The following CCDC144A variants were observed in gnomAD, a reference collection of about 807,000 sequenced individuals.
CCDC144A encodes coiled-coil domain containing 144A, also known as coiled-coil domain-containing protein 144A.
In CCDC144A, 41 loss-of-function variants were observed where a neutral mutation model predicts 143.8. The ratio of observed to expected loss-of-function variants is 0.29; its 90% CI spans 0.22 to 0.37. The LOEUF (loss-of-function observed/expected upper bound fraction) is 0.37. Ranked by LOEUF, CCDC144A falls within the 10% of genes least tolerant of loss-of-function variation. The probability of loss-of-function intolerance (pLI) is 1.00; values close to 1 mark genes in which losing one functional copy is unlikely to be tolerated. For synonymous variants in CCDC144A, 242 were observed against 517.9 expected (o/e 0.47, Z 7.23); for missense variants, 637 against 1,488.8 (o/e 0.43, Z 9.41).
chr17:16,697,310 C>T (rs1365210784), intron 2 of CCDC144A, among the ~76,000 whole-genome samples: 1 of 152,078 alleles, frequency 6.6e-6, no homozygotes, highest in Non-Finnish European at 1.5e-5. Flanking sequence ...CCTACTCAAC[C>T]GTACCATTGA....
At chr17:16,759,379 T>G (rs1653225064) in intron 12 of CCDC144A, among the ~76,000 whole-genome samples, 1 of 152,188 alleles carries the variant, frequency 6.6e-6, no homozygotes, top group Non-Finnish European at 1.5e-5. Context: ...CACAGTATTA[T>G]AAAAAGTCAG....
At chr17:16,747,244 C>G (rs1033255629) in intron 12 of CCDC144A, among the ~76,000 whole-genome samples, 2 of 152,104 alleles carry the variant, frequency 1.3e-5, no homozygotes, top group Non-Finnish European at 2.9e-5. Flanking sequence ...TCTGGGCTCT[C>G]TGTTCTGTTC....
chr17:16,720,375 C>G, intron 7 of CCDC144A, 142 bp from the exon 8 acceptor site: 2 of 937,974 alleles, frequency 2.1e-6, no homozygotes, highest in South Asian at 1.7e-5. Flanking sequence ...GATAATGGTA[C>G]CTTTTAAGAA....
At chr17:16,726,206 A>G (rs887326722) in intron 8 of CCDC144A, among the ~76,000 whole-genome samples, 6 of 151,454 alleles carry the variant, frequency 4.0e-5, no homozygotes, top group Non-Finnish European at 8.8e-5. Context: ...GTGAAACACC[A>G]TCTCTACTAA....
chr17:16,767,969 G>A (rs1211726505), intron 15 of CCDC144A, among the ~76,000 whole-genome samples: 5 of 152,222 alleles, frequency 3.3e-5, no homozygotes, highest in Admixed American at 2.0e-4. Flanking sequence ...TTCTGCAACC[G>A]GTTACGGGGT....
chr17:16,707,509 A>G lies in CCDC144A; in HGVS notation c.705A>G (p.Glu235=). ...DSELTSEEEQ[E]RLKGCENKQP... is the part of the protein sequence containing the mutation. Reference sequence around the variant, plus strand: ...AGCTGACATCAGAGGAAGAGCAAGAAAGACTTAAAGGATGCGAAAATAAGC... The same window carrying G: ...AGCTGACATCAGAGGAAGAGCAAGAGAGACTTAAAGGATGCGAAAATAAGC... Residue 235 remains glutamate (E), a synonymous_variant, in exon 4 of 17, where the codon GAA becomes GAG. Coordinates refer to ENST00000399273, the MANE Select transcript of CCDC144A (RefSeq NM_001382000.1). 2 of 1,606,256 alleles carry G rather than the reference A, an allele frequency of 1.2e-6. No individual in the cohort carries two copies. Among genetic ancestry groups the G allele is most frequent in the Non-Finnish European group, 1.7e-6 (2 of 1,177,680 alleles).
intron 2 of CCDC144A, among the ~76,000 whole-genome samples, chr17:16,703,838 G>C (rs1911885446): frequency 6.6e-6 from 1 of 151,984 alleles, no homozygotes; most frequent in Non-Finnish European, 1.5e-5. Context: ...ACACAAGCAC[G>C]CACAGCCATA....
chr17:16,721,946 CT>C lies in CCDC144A; in HGVS notation c.1891+1291del, dbSNP rs200115591. Among the ~76,000 whole-genome samples, 1,056 of 152,250 alleles carry C rather than the reference CT, an allele frequency of 6.9e-3. 19 individuals carry two copies. The highest frequency in any genetic ancestry group is 0.024 in the African/African-American group (1,008 of 41,546). On this transcript the variant is annotated intron_variant, in intron 8 of 16. Coordinates refer to ENST00000399273, the MANE Select transcript of CCDC144A (RefSeq NM_001382000.1). The stretch of plus-strand genomic sequence containing the variant: ...ACTCAGGTAGCTTTTATTTCCTTTT[CT>C]TTCCTAACTGCACTGGCTTCAGTGC...
At chr17:16,691,271 G>T (rs139839365) in intron 1 of CCDC144A, among the ~76,000 whole-genome samples, 1,718 of 152,254 alleles carry the variant, frequency 0.011, 19 homozygotes, top group Non-Finnish European at 0.017. Context: ...TAATGTTGCA[G>T]AAAGAGAGGA....
chr17:16,712,951 A>T (rs1296183095), intron 6 of CCDC144A, among the ~76,000 whole-genome samples: 2 of 152,002 alleles, frequency 1.3e-5, no homozygotes, highest in Admixed American at 6.6e-5. Flanking sequence ...TAGCAACAGA[A>T]TTCTAGTTAT....
intron 12 of CCDC144A, among the ~76,000 whole-genome samples, chr17:16,752,921 T>C (rs1363243495): frequency 2.1e-5 from 2 of 96,420 alleles, no homozygotes; most frequent in African/African-American, 8.4e-5. Context: ...GTTTGAGCTG[T>C]GCCTCTGCCT....
At chr17:16,715,451 A>G (rs1309810545) in intron 6 of CCDC144A, among the ~76,000 whole-genome samples, 1 of 152,160 alleles carries the variant, frequency 6.6e-6, no homozygotes, top group African/African-American at 2.4e-5. Context: ...TTCCATTTAG[A>G]GAGAAAAGCT....
chr17:16,733,447 T>G (rs62073722), intron 11 of CCDC144A, among the ~76,000 whole-genome samples: 11,703 of 144,814 alleles, frequency 0.081, 600 homozygotes, highest in Non-Finnish European at 0.11. Context: ...GAGCTTGCAG[T>G]CAGCCAAAAT....
chr17:16,683,497 C>A, the CCDC144A span: 4 of 1,484,962 alleles, frequency 2.7e-6, no homozygotes, highest in South Asian at 1.1e-5. Flanking sequence ...TGCCGCCGCT[C>A]TCGCGGGTTC....
intron 12 of CCDC144A, chr17:16,745,647 C>T (rs1914463053): frequency 3.8e-6 from 6 of 1,590,808 alleles, no homozygotes; most frequent in African/African-American, 1.3e-5. Context: ...TGCCTCTTCC[C>T]TCTTCTCAGG....
intron 12 of CCDC144A, among the ~76,000 whole-genome samples, chr17:16,749,484 A>G (rs1432212818): frequency 6.6e-6 from 1 of 152,224 alleles, no homozygotes; most frequent in African/African-American, 2.4e-5. Flanking sequence ...TTAAAAATTT[A>G]TCATGACTTG....
At chr17:16,712,482 G>A (rs1912512095) in intron 6 of CCDC144A, among the ~76,000 whole-genome samples, 1 of 152,138 alleles carries the variant, frequency 6.6e-6, no homozygotes, top group South Asian at 2.1e-4. Flanking sequence ...TTTGGGACAA[G>A]ATCCTACAGG....
At chr17:16,770,905 T>C (rs1345723310) in intron 15 of CCDC144A, among the ~76,000 whole-genome samples, 1 of 152,100 alleles carries the variant, frequency 6.6e-6, no homozygotes, top group Non-Finnish European at 1.5e-5. Context: ...GTTGTCATGT[T>C]ACCTACTCTA....
intron 12 of CCDC144A, among the ~76,000 whole-genome samples, chr17:16,759,599 T>G (rs1915264277): frequency 6.7e-6 from 1 of 149,928 alleles, no homozygotes; most frequent in African/African-American, 2.4e-5. Flanking sequence ...ATCGTTTTCT[T>G]CACTATCCTG....
Sources: allele counts gnomAD v4.1 joint callset (sites outside exome capture counted in the v4.1 genomes callset), GRCh38; gene constraint gnomAD v4.1.1; transcripts MANE v1.5; gene names NCBI Gene and HGNC (gene_info 2026-07-23, HGNC 2026-07-21).